Variants in ROBO1 observed in about 807,000 individuals in gnomAD.
The protein encoded by ROBO1 is roundabout guidance receptor 1, also known as roundabout homolog 1.
A neutral mutation model predicts 195.9 loss-of-function variants in ROBO1; 149 were observed. That is an observed-to-expected ratio of 0.76 (90% CI 0.67 to 0.87). The LOEUF (loss-of-function observed/expected upper bound fraction) is 0.87, where lower values mean the gene tolerates loss of function less well. Among genes scored for constraint, ROBO1 ranks in the 40% least tolerant of loss-of-function variants. ROBO1 has a pLI of 0.00. For synonymous variants in ROBO1, 816 were observed against 733.2 expected (o/e 1.11, Z -1.82); for missense variants, 1,933 against 2,068.3 (o/e 0.93, Z 1.27).
At chr3:79,591,932 C>G (rs970355016) in intron 1 of ROBO1, among the ~76,000 whole-genome samples, 2 of 151,672 alleles carry the variant, frequency 1.3e-5, no homozygotes, top group Non-Finnish European at 2.9e-5. Flanking sequence ...GGAAAAAACC[C>G]TAGACCTCTG....
At position 78,668,166 on chromosome 3, in the gene ROBO1, T is replaced by G. The variant is rs530007255; in HGVS notation, c.1767A>C (p.Ala589=). 32 of 1,613,838 alleles carry G rather than the reference T, an allele frequency of 2.0e-5. No homozygotes were observed. Among genetic ancestry groups the G allele is most frequent in the Non-Finnish European group, 2.7e-5 (32 of 1,179,818 alleles). The change falls in exon 13 of 31, where the codon GCA becomes GCC. Residue 589 remains alanine, a synonymous_variant. Coordinates refer to ENST00000464233, the MANE Select transcript of ROBO1 (RefSeq NM_002941.4). ...LSWQPNLNSG[A]TPTSYIIEAF... is the part of the protein sequence containing the mutation. ...CTTCTATAATATAAGATGTTGGAGT[T>G]GCTCCTGAATTCAAATTTGGTTGCC... is the stretch of plus-strand genomic sequence containing the variant.
intron 2 of ROBO1, among the ~76,000 whole-genome samples, chr3:79,351,269 G>A (rs576260770): frequency 6.6e-6 from 1 of 152,220 alleles, no homozygotes; most frequent in South Asian, 2.1e-4. Context: ...ATAATCATGA[G>A]CAAAATAAAC....
chr3:79,620,188 C>T (rs1036458926), intron 1 of ROBO1, among the ~76,000 whole-genome samples: 1 of 152,180 alleles, frequency 6.6e-6, no homozygotes, highest in Non-Finnish European at 1.5e-5. Flanking sequence ...GGAAATTGGA[C>T]TGTCTAACTC....
intron 4 of ROBO1, among the ~76,000 whole-genome samples, chr3:78,878,583 CA>C (rs35108863): frequency 0.084 from 3,898 of 46,354 alleles, 82 homozygotes; most frequent in African/African-American, 0.22. Context: ...AACCCCATCT[CA>C]AAAAAAAAAA....
intron 8 of ROBO1, 40 bp from the exon 9 acceptor site, chr3:78,688,812 G>C (rs967454): frequency 6.4e-7 from 1 of 1,574,584 alleles, no homozygotes; most frequent in Admixed American, 1.8e-5. Context: ...TTAAAAGCAC[G>C]TTGTTATTGT....
At chr3:78,710,194 C>CA (rs2081648164) in intron 8 of ROBO1, among the ~76,000 whole-genome samples, 1 of 152,118 alleles carries the variant, frequency 6.6e-6, no homozygotes, top group Admixed American at 6.5e-5. Context: ...CTCAGCCCCC[C>CA]ATGTCGCTGG....
At chr3:78,668,617 G>A in intron 11 of ROBO1, 52 bp from the exon 12 acceptor site, 1 of 1,552,656 alleles carries the variant, frequency 6.4e-7, no homozygotes, top group Non-Finnish European at 8.9e-7. Flanking sequence ...AACTCACTGG[G>A]CTGGAAAAGC....
intron 3 of ROBO1, among the ~76,000 whole-genome samples, chr3:79,000,688 TCAA>T (rs1224249443): frequency 2.0e-5 from 3 of 152,118 alleles, no homozygotes; most frequent in Admixed American, 6.6e-5. Flanking sequence ...GTAAATTACT[TCAA>T]CGATTGTGGA....
At chr3:79,058,329 A>G (rs1559628113) in intron 3 of ROBO1, among the ~76,000 whole-genome samples, 1 of 152,096 alleles carries the variant, frequency 6.6e-6, no homozygotes, top group African/African-American at 2.4e-5. Context: ...AACAAAAATC[A>G]TCATTCTACT....
chr3:79,639,059 A>T (rs1308155470), intron 1 of ROBO1, among the ~76,000 whole-genome samples: 1 of 152,236 alleles, frequency 6.6e-6, no homozygotes, highest in African/African-American at 2.4e-5. Flanking sequence ...CTTGCATAGC[A>T]TCAATGGTGT....
chr3:79,246,759 C>T (rs2082631309), intron 2 of ROBO1, among the ~76,000 whole-genome samples: 2 of 151,912 alleles, frequency 1.3e-5, no homozygotes, highest in Non-Finnish European at 2.9e-5. Context: ...TGATATATAA[C>T]TAGAACCCAT....
chr3:79,609,684 A>G (rs1185549470), intron 1 of ROBO1, among the ~76,000 whole-genome samples: 6 of 151,962 alleles, frequency 3.9e-5, no homozygotes, highest in Admixed American at 2.0e-4. Context: ...AAAGAAGGAA[A>G]TTCTGTCACA....
chr3:79,553,774 G>A (rs1047345514), intron 2 of ROBO1, among the ~76,000 whole-genome samples: 3 of 151,994 alleles, frequency 2.0e-5, no homozygotes, highest in Admixed American at 1.3e-4. Flanking sequence ...CACTGGCCAC[G>A]GGCCCATGTT....
chr3:79,041,335 T>G (rs2078483898), intron 3 of ROBO1, among the ~76,000 whole-genome samples: 2 of 152,202 alleles, frequency 1.3e-5, no homozygotes, highest in African/African-American at 4.8e-5. Context: ...TTGTTCATCT[T>G]TGTATATCCA....
At chr3:78,940,808 T>C (rs1221046328) in intron 3 of ROBO1, among the ~76,000 whole-genome samples, 34 of 152,202 alleles carry the variant, frequency 2.2e-4, no homozygotes, top group Non-Finnish European at 8.8e-5. Flanking sequence ...GTTTTGCTCA[T>C]GGTATTTCCC....
chr3:79,456,591 A>T (rs1165305535), intron 2 of ROBO1, among the ~76,000 whole-genome samples: 1 of 152,154 alleles, frequency 6.6e-6, no homozygotes, highest in Non-Finnish European at 1.5e-5. Context: ...GTGATTACAA[A>T]AAATACAGTA....
chr3:78,775,268 G>T (rs2083476106), intron 4 of ROBO1, among the ~76,000 whole-genome samples: 2 of 152,192 alleles, frequency 1.3e-5, no homozygotes, highest in Admixed American at 1.3e-4. Flanking sequence ...ACTAGCTCAT[G>T]TGTGTAATTG....
chr3:79,627,771 C>A (rs1165835926), intron 1 of ROBO1, among the ~76,000 whole-genome samples: 1 of 152,070 alleles, frequency 6.6e-6, no homozygotes, highest in African/African-American at 2.4e-5. Context: ...GTCTAATATC[C>A]AGCATTTACA....
chr3:79,178,092 G>C (rs745728865), intron 2 of ROBO1, among the ~76,000 whole-genome samples: 1 of 152,118 alleles, frequency 6.6e-6, no homozygotes, highest in Non-Finnish European at 1.5e-5. Flanking sequence ...TTGACAATTT[G>C]ACTTTAGTTG....
Sources: allele counts gnomAD v4.1 joint callset (sites outside exome capture counted in the v4.1 genomes callset), GRCh38; gene constraint gnomAD v4.1.1; transcripts MANE v1.5; gene names NCBI Gene and HGNC (gene_info 2026-07-23, HGNC 2026-07-21).